DNAJC3: variants seen among roughly 807,000 people sequenced by gnomAD.
DNAJC3 encodes the protein dnaJ homolog subfamily C member 3.
In DNAJC3, 38 loss-of-function variants were observed where a neutral mutation model predicts 68.6. That is an observed-to-expected ratio of 0.55 (90% CI 0.43 to 0.73). The LOEUF is 0.73. DNAJC3 is among the 30% of genes least tolerant of loss of function. The pLI is 0.00. For synonymous variants in DNAJC3, 203 were observed against 204.0 expected (o/e 1.00, Z 0.04); for missense variants, 526 against 591.9 (o/e 0.89, Z 1.16).
chr13:95,692,807 A>C (rs376865151), intron 1 of DNAJC3: 1 of 150,802 alleles, frequency 6.6e-6, no homozygotes. Flanking sequence ...GCACTTCTAC[A>C]CATCTGCACC....
intron 2 of DNAJC3, among the ~76,000 whole-genome samples, chr13:95,718,611 G>A (rs1410865942): frequency 6.6e-6 from 1 of 152,190 alleles, no homozygotes; most frequent in East Asian, 1.9e-4. Flanking sequence ...ATGTTGGCCA[G>A]GCTGGTCTCG....
intron 1 of DNAJC3, among the ~76,000 whole-genome samples, chr13:95,685,452 T>C (rs1880048490): frequency 6.6e-6 from 1 of 152,216 alleles, no homozygotes; most frequent in Non-Finnish European, 1.5e-5. Context: ...TTTATAGGCT[T>C]ATAGGTGGAA....
At chr13:95,789,297 C>T (rs1883694643) in intron 11 of DNAJC3, among the ~76,000 whole-genome samples, 1 of 152,134 alleles carries the variant, frequency 6.6e-6, no homozygotes, top group Non-Finnish European at 1.5e-5. Context: ...TCCTGATCCT[C>T]TCCCTCCTCC....
intron 4 of DNAJC3, among the ~76,000 whole-genome samples, chr13:95,731,269 A>T (rs1249113140): frequency 5.3e-5 from 8 of 152,158 alleles, no homozygotes; most frequent in Admixed American, 5.2e-4. Flanking sequence ...ATGTTTTTCA[A>T]TTTGGATGCC....
Position 95,709,243 on chromosome 13 carries a change from A to G in DNAJC3, c.99A>G (p.Val33=), listed in dbSNP as rs1192772192. 2 of 1,567,670 alleles carry G rather than the reference A, an allele frequency of 1.3e-6. No homozygotes were observed. The highest frequency in any genetic ancestry group is 1.7e-6 in the Non-Finnish European group (2 of 1,156,164). ...TATTTTTAGGTGCTGAATGTGGAGTAAATGCAGATGTTGAGAAACATCTTG... is the reference window on the plus strand; with the variant it reads ...TATTTTTAGGTGCTGAATGTGGAGTGAATGCAGATGTTGAGAAACATCTTG... The part of the protein sequence containing the change: ...DLQYEGAECG[V]NADVEKHLEL... Residue 33 remains valine, a synonymous_variant, in exon 2 of 12, where the codon GTA becomes GTG. Transcript: ENST00000602402.
chr13:95,784,707 G>A (rs1883545691), intron 9 of DNAJC3, among the ~76,000 whole-genome samples: 1 of 152,198 alleles, frequency 6.6e-6, no homozygotes, highest in Non-Finnish European at 1.5e-5. Flanking sequence ...CCAAACGTCA[G>A]CAGTAAGCCA....
intron 2 of DNAJC3, among the ~76,000 whole-genome samples, chr13:95,712,929 G>A (rs1881020608): frequency 6.6e-6 from 1 of 152,018 alleles, no homozygotes; most frequent in Non-Finnish European, 1.5e-5. Flanking sequence ...TCATGGGGGT[G>A]GTTACCCCCA....
chr13:95,717,836 T>A (rs534424773), intron 2 of DNAJC3, among the ~76,000 whole-genome samples: 32 of 152,290 alleles, frequency 2.1e-4, no homozygotes, highest in African/African-American at 5.5e-4. Flanking sequence ...CCTCTTTTTT[T>A]AAAAAAATAC....
At chr13:95,774,888 A>G (rs987305749) in intron 9 of DNAJC3, among the ~76,000 whole-genome samples, 1 of 152,190 alleles carries the variant, frequency 6.6e-6, no homozygotes, top group African/African-American at 2.4e-5. Context: ...TATAGACATC[A>G]TGTAGTTGGA....
intron 4 of DNAJC3, among the ~76,000 whole-genome samples, chr13:95,736,305 G>A (rs930015654): frequency 4.6e-5 from 7 of 151,858 alleles, no homozygotes; most frequent in African/African-American, 7.3e-5. Flanking sequence ...GGCGATGCGG[G>A]CTCTTTTTTG....
At chr13:95,770,814 T>C (rs1417401547) in intron 9 of DNAJC3, among the ~76,000 whole-genome samples, 1 of 152,358 alleles carries the variant, frequency 6.6e-6, no homozygotes, top group East Asian at 1.9e-4. Context: ...GGCTGTATCC[T>C]AAGTGTTCTT....
At chr13:95,733,639 A>G (rs1251955394) in intron 4 of DNAJC3, among the ~76,000 whole-genome samples, 2 of 145,072 alleles carry the variant, frequency 1.4e-5, no homozygotes, top group Non-Finnish European at 3.0e-5. Context: ...ATCTCAGGTG[A>G]TCTGCCTGCC....
At chr13:95,704,486 C>G (rs1297216090) in intron 1 of DNAJC3, among the ~76,000 whole-genome samples, 5 of 152,146 alleles carry the variant, frequency 3.3e-5, no homozygotes, top group Non-Finnish European at 7.3e-5. Context: ...AATGGTAAAA[C>G]CAGTTAATCT....
At chr13:95,773,244 T>G (rs1366286656) in intron 9 of DNAJC3, among the ~76,000 whole-genome samples, 1 of 148,954 alleles carries the variant, frequency 6.7e-6, no homozygotes, top group Non-Finnish European at 1.5e-5. Flanking sequence ...CAATTATGAC[T>G]CACTGCAGCC....
At chr13:95,784,361 A>G (rs1212159488) in intron 9 of DNAJC3, among the ~76,000 whole-genome samples, 1 of 152,198 alleles carries the variant, frequency 6.6e-6, no homozygotes, top group Non-Finnish European at 1.5e-5. Flanking sequence ...AAGTCAGCAC[A>G]GGGAAAAGGT....
intron 2 of DNAJC3, among the ~76,000 whole-genome samples, chr13:95,716,247 G>A (rs1251127686): frequency 1.3e-5 from 2 of 152,308 alleles, no homozygotes; most frequent in East Asian, 1.9e-4. Flanking sequence ...CTTGCAGGGC[G>A]TGCAACAGGG....
chr13:95,724,690 G>T (rs1272434655), intron 3 of DNAJC3, among the ~76,000 whole-genome samples: 1 of 152,054 alleles, frequency 6.6e-6, no homozygotes, highest in African/African-American at 2.4e-5. Flanking sequence ...CTAGCTCCTG[G>T]CAACCACTTA....
chr13:95,793,363 CAGCCTGGGTGTGTAAAGAGAT>C lies in DNAJC3; in HGVS notation c.*2336_*2356del, dbSNP rs11274423. On this transcript the variant is annotated 3_prime_UTR_variant, in exon 12 of 12. Coordinates refer to ENST00000602402, the MANE Select transcript of DNAJC3 (RefSeq NM_006260.5). ...CTTACCCTAATGTGTGACTGAGAAG[CAGCCTGGGTGTGTAAAGAGAT>C]AGTCATTCCCCCTGCCTGTCTCACT... is the stretch of plus-strand genomic sequence containing the variant. 0.34 allele frequency: 51,542 copies of C among 151,842 alleles called. 9,213 individuals are homozygous for C. The highest frequency in any genetic ancestry group is 0.41 in the Non-Finnish European group (27,565 of 67,930). 9.4% of individuals were successfully genotyped at this position (151,842 alleles called of 1,614,324 possible). A position where few individuals can be genotyped will look rare whatever the true frequency, so the allele number is the denominator to read the frequency against.
intron 4 of DNAJC3, among the ~76,000 whole-genome samples, chr13:95,748,268 T>G (rs926983405): frequency 7.2e-5 from 11 of 152,198 alleles, no homozygotes; most frequent in Non-Finnish European, 1.3e-4. Flanking sequence ...TGCATTTTGA[T>G]TGTGAGAAAC....
Sources: gnomAD v4.1 joint callset for allele counts (sites outside exome capture counted in the v4.1 genomes callset) on GRCh38, gnomAD v4.1.1 for gene constraint, MANE v1.5 for transcripts, NCBI Gene and HGNC (gene_info 2026-07-23, HGNC 2026-07-21) for gene names.